Variants in DNAH6 observed in about 807,000 individuals in gnomAD.
DNAH6 encodes the protein dynein axonemal heavy chain 6, also known as axonemal beta dynein heavy chain 6.
In DNAH6, 340 loss-of-function variants were observed where a neutral mutation model predicts 491.4. The observed-to-expected ratio is 0.69, with a 90% CI of 0.63 to 0.76. The LOEUF (loss-of-function observed/expected upper bound fraction) is 0.76. DNAH6 is among the 30% of genes least tolerant of loss of function. DNAH6 has a pLI of 0.00. For missense variants in DNAH6, 4,443 were observed against 4,972.2 expected (o/e 0.89, Z 3.20); for synonymous variants, 1,603 against 1,686.1 (o/e 0.95, Z 1.21).
chr2:84,669,658 A>G lies in DNAH6; in HGVS notation c.6306+148A>G, dbSNP rs1330532449. ...GCAGGAAGAATATTATGCTGAATCT[A>G]TATTGATCCTGGGAATTGTTCCAAA... On this transcript the variant is annotated intron_variant, in intron 38 of 76. Coordinates refer to ENST00000389394, the MANE Select transcript of DNAH6 (RefSeq NM_001370.2). 5 of 723,022 alleles carry G rather than the reference A, an allele frequency of 6.9e-6. No homozygotes were observed. The East Asian group carries it at 8.1e-5, about 12-fold the overall frequency. 44.8% of individuals were successfully genotyped at this position (723,022 alleles called of 1,614,324 possible). A position where few individuals can be genotyped will look rare whatever the true frequency, so the allele number is the denominator to read the frequency against.
rs760377029 is a variant in DNAH6 at position 84,697,624 on chromosome 2, G to C, written c.7574G>C (p.Gly2525Ala). 1 of 1,551,870 alleles carries C rather than the reference G, an allele frequency of 6.4e-7. No homozygotes were observed. The highest frequency in any genetic ancestry group is 8.7e-7 in the Non-Finnish European group (1 of 1,147,040). The change falls in exon 47 of 77, where the codon GGT becomes GCT. Residue 2525 changes from glycine (G) to alanine (A), a missense_variant. Transcript: ENST00000389394. ...GATATAAATAACATCCTGAACTCAG[G>C]TGAAGTGCCTAATTTATTTGAAAAG... is the stretch of plus-strand genomic sequence containing the variant. Reference protein sequence around the residue: ...LEDINNILNSGEVPNLFEKDE... With the variant: ...LEDINNILNSAEVPNLFEKDE...
the DNAH6 span, among the ~76,000 whole-genome samples, chr2:84,508,731 G>T: frequency 5.3e-5 from 8 of 152,062 alleles, no homozygotes; most frequent in African/African-American, 1.9e-4. Context: ...TCTACACACT[G>T]CTTTGAATGT....
At chr2:84,575,088 T>C (rs1027148333) in intron 12 of DNAH6, among the ~76,000 whole-genome samples, 1 of 152,100 alleles carries the variant, frequency 6.6e-6, no homozygotes, top group Non-Finnish European at 1.5e-5. Flanking sequence ...TCCTCCTCTG[T>C]TTGGAACCCC....
the DNAH6 span, among the ~76,000 whole-genome samples, chr2:84,470,379 C>A: frequency 6.6e-6 from 1 of 152,182 alleles, no homozygotes; most frequent in East Asian, 1.9e-4. Flanking sequence ...AAAAGAATGG[C>A]TACTCCACAG....
At chr2:84,720,341 G>C (rs376145760) in intron 59 of DNAH6, among the ~76,000 whole-genome samples, 2,136 of 140,704 alleles carry the variant, frequency 0.015, 57 homozygotes, top group South Asian at 0.11. Flanking sequence ...TGCAGTGGCG[G>C]GATCTCGGCT....
chr2:84,805,573 C>A, intron 70 of DNAH6, 92 bp from the exon 71 acceptor site: 1 of 1,154,346 alleles, frequency 8.7e-7, no homozygotes, highest in Non-Finnish European at 1.2e-6. Flanking sequence ...TTTTAGAGAA[C>A]TGCCTTTACT....
intron 62 of DNAH6, among the ~76,000 whole-genome samples, chr2:84,735,610 T>C (rs534474209): frequency 5.9e-5 from 9 of 152,296 alleles, no homozygotes; most frequent in African/African-American, 2.2e-4. Flanking sequence ...TGGTATCTCA[T>C]TGTGGTTTTG....
rs142166036 is a variant in DNAH6, at chr2:84,534,288, C to T, written c.662+5122C>T. 5.0e-4 allele frequency among the ~76,000 whole-genome samples: 76 copies of T among 152,136 alleles called. No individual in the cohort carries two copies. In the East Asian group the frequency reaches 0.015, roughly 29 times the overall value. ...TTTTTTAAAAAAAAACACAATCGCT[C>T]AGAAATTTACCATGGGTGAAATTTT... On this transcript the variant is annotated intron_variant, in intron 4 of 76. Coordinates refer to ENST00000389394, the MANE Select transcript of DNAH6 (RefSeq NM_001370.2).
At chr2:84,597,238 A>G (rs1422798529) in intron 18 of DNAH6, among the ~76,000 whole-genome samples, 1 of 152,208 alleles carries the variant, frequency 6.6e-6, no homozygotes, top group Non-Finnish European at 1.5e-5. Flanking sequence ...AGATCCCTCT[A>G]TGTAGTTGTA....
chr2:84,545,785 C>A (rs1678718253), intron 5 of DNAH6, among the ~76,000 whole-genome samples: 1 of 152,168 alleles, frequency 6.6e-6, no homozygotes, highest in African/African-American at 2.4e-5. Context: ...TTAACTAGGG[C>A]TGATTCCCCT....
intron 4 of DNAH6, among the ~76,000 whole-genome samples, chr2:84,534,323 A>G (rs1397129798): frequency 1.3e-5 from 2 of 152,080 alleles, no homozygotes; most frequent in East Asian, 1.9e-4. Flanking sequence ...TCTTTTTCTA[A>G]TATTTGTATG....
At chr2:84,738,457 C>T (rs1187760056) in intron 62 of DNAH6, among the ~76,000 whole-genome samples, 7 of 152,028 alleles carry the variant, frequency 4.6e-5, no homozygotes, top group African/African-American at 1.7e-4. Context: ...TGTTGTGTGA[C>T]TATTGTTGTG....
chr2:84,579,781 T>C (rs1573087583), intron 14 of DNAH6, 102 bp downstream of exon 14: 1 of 992,472 alleles, frequency 1.0e-6, no homozygotes, highest in East Asian at 2.6e-5. Context: ...AAGACAGCTG[T>C]CAAATATCAG....
intron 59 of DNAH6, among the ~76,000 whole-genome samples, chr2:84,721,181 A>T (rs988845413): frequency 6.6e-6 from 1 of 152,206 alleles, no homozygotes; most frequent in Non-Finnish European, 1.5e-5. Context: ...CTACATTATC[A>T]GTGCCTTGTG....
the DNAH6 span, among the ~76,000 whole-genome samples, chr2:84,481,325 C>T: frequency 6.6e-6 from 1 of 152,108 alleles, no homozygotes; most frequent in Non-Finnish European, 1.5e-5. Flanking sequence ...GATATCCATC[C>T]TTTAAAAAAA....
intron 4 of DNAH6, among the ~76,000 whole-genome samples, chr2:84,538,146 A>T (rs900966597): frequency 6.6e-6 from 1 of 152,182 alleles, no homozygotes; most frequent in African/African-American, 2.4e-5. Flanking sequence ...CCAAGTCCTC[A>T]TGCACGCCAC....
chr2:84,605,412 G>T, intron 19 of DNAH6, 88 bp from the exon 20 acceptor site: 1 of 902,516 alleles, frequency 1.1e-6, no homozygotes, highest in Non-Finnish European at 1.7e-6. Flanking sequence ...GATAATTATG[G>T]AGTTTTTATT....
chr2:84,605,684 A>T, intron 20 of DNAH6, 92 bp downstream of exon 20: 2 of 767,930 alleles, frequency 2.6e-6, no homozygotes, highest in South Asian at 2.1e-5. Context: ...AGGGAATAAA[A>T]CATGAGAGTC....
intron 4 of DNAH6, among the ~76,000 whole-genome samples, chr2:84,539,100 A>T (rs1030383293): frequency 6.6e-6 from 1 of 152,146 alleles, no homozygotes; most frequent in Non-Finnish European, 1.5e-5. Flanking sequence ...CTAATCTACG[A>T]AGAAATTTAA....
Sources: allele counts gnomAD v4.1 joint callset (sites outside exome capture counted in the v4.1 genomes callset), GRCh38; gene constraint gnomAD v4.1.1; transcripts MANE v1.5; gene names NCBI Gene and HGNC (gene_info 2026-07-23, HGNC 2026-07-21).